The following DIAPH3 variants were observed in gnomAD, a reference collection of about 807,000 sequenced individuals.
The protein encoded by DIAPH3 is protein diaphanous homolog 3.
DIAPH3 carries 117 observed loss-of-function variants against 144.3 expected under a neutral mutation model. The observed-to-expected ratio is 0.81, with a 90% CI of 0.70 to 0.95. DIAPH3 has a LOEUF of 0.95. Among genes scored for constraint, DIAPH3 ranks in the 40% least tolerant of loss-of-function variants. The probability of loss-of-function intolerance (pLI) is 0.00; values close to 1 mark genes in which losing one functional copy is unlikely to be tolerated. For synonymous variants in DIAPH3, 519 were observed against 488.9 expected (o/e 1.06, Z -0.81); for missense variants, 1,421 against 1,412.7 (o/e 1.01, Z -0.09).
At chr13:59,897,641 G>A (rs558788173) in intron 20 of DIAPH3, among the ~76,000 whole-genome samples, 11 of 151,846 alleles carry the variant, frequency 7.2e-5, no homozygotes, top group East Asian at 2.0e-4. Context: ...GCAGCTACTC[G>A]TGAGGCTGAG....
At chr13:60,105,131 A>T (rs1594679178) in intron 3 of DIAPH3, among the ~76,000 whole-genome samples, 1 of 148,852 alleles carries the variant, frequency 6.7e-6, no homozygotes, top group African/African-American at 2.5e-5. Context: ...AAAAACTGCC[A>T]GTGATGAAAA....
rs761465883 is a variant in DIAPH3 at position 59,774,741 on chromosome 13, T to C, written c.3246A>G (p.Thr1082=). 7.4e-6 allele frequency: 12 copies of C among 1,613,986 alleles called. No homozygotes were observed. The highest frequency in any genetic ancestry group is 1.0e-5 in the Non-Finnish European group (12 of 1,179,956). Residue 1082 remains threonine (T), a synonymous_variant, in exon 26 of 28, where the codon ACA becomes ACG. Transcript: ENST00000400324. ...TATAGGGTTCACCTTTTGGCATCGG[T>C]GTCCTTTTTCTTCTGTCGCGGAAGG... ...GAAFRDRRKR[T]PMPKDVRQSL... is the part of the protein sequence containing the mutation.
chr13:60,016,006 G>A (rs2053618054), intron 6 of DIAPH3, 24 bp from the exon 7 acceptor site: 1 of 1,610,550 alleles, frequency 6.2e-7, no homozygotes, highest in South Asian at 1.1e-5. Flanking sequence ...AAAAATAGCA[G>A]TGTTGGAATT....
intron 4 of DIAPH3, among the ~76,000 whole-genome samples, chr13:60,068,078 T>C (rs2057044181): frequency 6.6e-6 from 1 of 152,314 alleles, no homozygotes; most frequent in East Asian, 1.9e-4. Context: ...TATGGGCATA[T>C]TGCTTCATAA....
intron 4 of DIAPH3, among the ~76,000 whole-genome samples, chr13:60,063,850 A>G (rs1197431362): frequency 3.3e-5 from 5 of 151,914 alleles, no homozygotes; most frequent in Non-Finnish European, 5.9e-5. Context: ...AATCACTTGA[A>G]CCCAGGAGGC....
intron 5 of DIAPH3, among the ~76,000 whole-genome samples, chr13:60,023,428 T>C: frequency 6.6e-6 from 1 of 151,770 alleles, no homozygotes; most frequent in East Asian, 1.9e-4. Flanking sequence ...CTATCTTTGG[T>C]TTTCAGAACT....
At chr13:60,050,449 G>T (rs2056283096) in intron 4 of DIAPH3, among the ~76,000 whole-genome samples, 1 of 152,144 alleles carries the variant, frequency 6.6e-6, no homozygotes, top group Non-Finnish European at 1.5e-5. Flanking sequence ...AAAAACTACA[G>T]CCTGAGTGTC....
intron 17 of DIAPH3, among the ~76,000 whole-genome samples, chr13:59,952,122 T>C (rs893661767): frequency 2.0e-5 from 3 of 152,046 alleles, no homozygotes; most frequent in African/African-American, 2.4e-5. Flanking sequence ...TACTCAAAAA[T>C]ATTATGTAAA....
intron 27 of DIAPH3, among the ~76,000 whole-genome samples, chr13:59,715,879 T>G (rs551573560): frequency 6.6e-6 from 1 of 152,104 alleles, no homozygotes; most frequent in African/African-American, 2.4e-5. Flanking sequence ...GATAAAACAT[T>G]TTTTTTAAGG....
At chr13:60,010,133 T>TA (rs1022030785) in intron 8 of DIAPH3, among the ~76,000 whole-genome samples, 42 of 152,258 alleles carry the variant, frequency 2.8e-4, no homozygotes, top group Admixed American at 1.8e-3. Context: ...TTCCAAATCG[T>TA]AATATGTTTG....
At chr13:59,709,761 C>T (rs1390118694) in intron 27 of DIAPH3, among the ~76,000 whole-genome samples, 1 of 152,108 alleles carries the variant, frequency 6.6e-6, no homozygotes, top group African/African-American at 2.4e-5. Context: ...ACCCAAAGGA[C>T]TATAAATCAT....
chr13:59,765,065 G>A (rs2037800511), intron 27 of DIAPH3, among the ~76,000 whole-genome samples: 1 of 151,732 alleles, frequency 6.6e-6, no homozygotes, highest in South Asian at 2.1e-4. Flanking sequence ...GTGGCTCTGT[G>A]GTGATTGACT....
rs143684584 is a variant in DIAPH3 at position 59,677,061 on chromosome 13, G to T, written c.3320-10215C>A. Among the ~76,000 whole-genome samples, 416 of 152,124 alleles carry T rather than the reference G, an allele frequency of 2.7e-3. 3 individuals are homozygous for T. Among genetic ancestry groups the T allele is most frequent in the African/African-American group, 9.5e-3 (396 of 41,500 alleles). On this transcript the variant is annotated intron_variant, in intron 27 of 27. Transcript: ENST00000400324. ...TAGAACATAAGCTCTATGAAGGCAG[G>T]TATCTTGTTTTATTCACTGGTGTAT...
At chr13:60,005,895 ATATT>A (rs545828350) in intron 9 of DIAPH3, among the ~76,000 whole-genome samples, 224 of 152,304 alleles carry the variant, frequency 1.5e-3, no homozygotes, top group African/African-American at 5.1e-3. Flanking sequence ...AGAATTCTTA[ATATT>A]TATTTAAGTC....
At chr13:60,036,132 G>C (rs975955594) in intron 5 of DIAPH3, among the ~76,000 whole-genome samples, 1 of 152,016 alleles carries the variant, frequency 6.6e-6, no homozygotes, top group Non-Finnish European at 1.5e-5. Context: ...TATTCCCTTG[G>C]GACTCTCTTG....
intron 17 of DIAPH3, among the ~76,000 whole-genome samples, chr13:59,969,505 G>A (rs2050236452): frequency 6.6e-6 from 1 of 151,960 alleles, no homozygotes; most frequent in Non-Finnish European, 1.5e-5. Flanking sequence ...ATCTACGTTG[G>A]GTATTTCTCC....
chr13:60,003,698 C>T (rs986883833), intron 9 of DIAPH3, among the ~76,000 whole-genome samples: 6 of 151,896 alleles, frequency 4.0e-5, no homozygotes, highest in Admixed American at 1.3e-4. Flanking sequence ...CTCAGCCTCC[C>T]GAGTAGCTGG....
intron 22 of DIAPH3, among the ~76,000 whole-genome samples, chr13:59,852,353 A>G (rs1054013719): frequency 6.6e-6 from 1 of 152,174 alleles, no homozygotes; most frequent in East Asian, 1.9e-4. Context: ...TCATATTTCC[A>G]TATGGCATTC....
In DIAPH3 at chr13:60,024,915, C is replaced by A. The variant is rs529452318; in HGVS notation, c.627-8770G>T. On this transcript the variant is annotated intron_variant, in intron 5 of 27. Transcript: ENST00000400324. Reference sequence around the variant, plus strand: ...CTCATTATGCTCACCATGTAACCTACAATAGCACCATGGAAGGGGGATGTG... The same window carrying A: ...CTCATTATGCTCACCATGTAACCTAAAATAGCACCATGGAAGGGGGATGTG... Among the ~76,000 whole-genome samples the A allele has an allele frequency of 3.5e-3, 532 of 152,190 alleles. 11 individuals are homozygous for A. The East Asian group carries it at 0.047, about 13-fold the overall frequency.
Sources: gnomAD v4.1 joint callset for allele counts (sites outside exome capture counted in the v4.1 genomes callset) on GRCh38, gnomAD v4.1.1 for gene constraint, MANE v1.5 for transcripts, NCBI Gene and HGNC (gene_info 2026-07-23, HGNC 2026-07-21) for gene names.